FTO: variants seen among roughly 807,000 people sequenced by gnomAD.
FTO encodes alpha-ketoglutarate-dependent dioxygenase FTO.
FTO carries 47 observed loss-of-function variants against 63.9 expected under a neutral mutation model. That is an observed-to-expected ratio of 0.74 (90% confidence interval 0.58 to 0.94). The LOEUF (loss-of-function observed/expected upper bound fraction) is 0.94, where lower values mean the gene tolerates loss of function less well. Ranked by LOEUF, FTO falls within the 40% of genes least tolerant of loss-of-function variation. The pLI, the probability that FTO is intolerant of heterozygous loss-of-function variation, is 0.00. For missense variants in FTO, 562 were observed against 618.1 expected, an observed-to-expected ratio of 0.91 and a Z score of 0.96; for synonymous variants, 207 against 224.4, an observed-to-expected ratio of 0.92 and a Z score of 0.69.
At chr16:53,964,271 T>C (rs2083149000) in intron 8 of FTO, among the ~76,000 whole-genome samples, 1 of 152,172 alleles carries the variant, frequency 6.6e-6, no homozygotes, top group African/African-American at 2.4e-5. Flanking sequence ...GTTGTTGTAG[T>C]TCAAAAACAG....
chr16:54,012,831 GAA>G (rs374710361), intron 8 of FTO, among the ~76,000 whole-genome samples: 2 of 139,922 alleles, frequency 1.4e-5, no homozygotes, highest in Admixed American at 7.2e-5. Context: ...CTCCTTCTCA[GAA>G]AAAAAAAAAA....
intron 8 of FTO, among the ~76,000 whole-genome samples, chr16:54,054,253 C>T (rs757276397): frequency 2.0e-5 from 3 of 152,120 alleles, no homozygotes; most frequent in East Asian, 1.9e-4. Context: ...GAAATTAACT[C>T]CATTACACTA....
At chr16:53,886,945 C>T (rs1435728660) in intron 6 of FTO, 3 of 152,300 alleles carry the variant, frequency 2.0e-5, no homozygotes, top group South Asian at 2.1e-4. Context: ...GTTTCTTTAG[C>T]GGGCAGTGGT....
Position 53,855,038 on chromosome 16 carries a change from A to AT in FTO, c.895+10748dup, listed in dbSNP as rs61689283. 1.5e-3 allele frequency among the ~76,000 whole-genome samples: 221 copies of AT among 150,422 alleles called. 1 individual carries two copies. The highest frequency in any genetic ancestry group is 5.0e-3 in the African/African-American group (204 of 40,984). ...TATTTCTAGGTACTTTATTATTATT[A>AT]TTTTTTTTAGCTATTATCAAAGGGA... On this transcript the variant is annotated intron_variant, in intron 4 of 8. Transcript: ENST00000471389.
chr16:53,959,862 C>T (rs1369858002), intron 8 of FTO, among the ~76,000 whole-genome samples: 3 of 152,026 alleles, frequency 2.0e-5, no homozygotes, highest in South Asian at 4.1e-4. Flanking sequence ...CCAAAAAAGG[C>T]TTCCCAAATG....
At chr16:53,711,547 CT>C in intron 1 of FTO, 1 of 397,950 alleles carries the variant, frequency 2.5e-6, no homozygotes, top group Non-Finnish European at 4.4e-6. Context: ...CATGGAATTC[CT>C]TCCTTAGAAG....
At chr16:53,755,687 G>C (rs2076907110) in intron 1 of FTO, among the ~76,000 whole-genome samples, 1 of 152,134 alleles carries the variant, frequency 6.6e-6, no homozygotes, top group Admixed American at 6.5e-5. Flanking sequence ...CATTTCCCCA[G>C]CCTCCCCTGC....
intron 8 of FTO, among the ~76,000 whole-genome samples, chr16:54,090,893 T>C (rs1005012320): frequency 3.3e-5 from 5 of 152,316 alleles, no homozygotes; most frequent in African/African-American, 1.2e-4. Flanking sequence ...CTCTTTCTCC[T>C]TGTAGTCTCA....
intron 8 of FTO, among the ~76,000 whole-genome samples, chr16:54,042,041 A>G (rs2085089543): frequency 6.6e-6 from 1 of 152,190 alleles, no homozygotes; most frequent in African/African-American, 2.4e-5. Context: ...TGGGAAAGAG[A>G]AAGGAATATG....
chr16:53,958,969 C>T (rs1483452729), intron 8 of FTO, among the ~76,000 whole-genome samples: 3 of 152,170 alleles, frequency 2.0e-5, no homozygotes, highest in African/African-American at 7.2e-5. Context: ...CCTCATTGAA[C>T]CCCTACAAAA....
intron 8 of FTO, chr16:53,998,847 T>G (rs1234155334): frequency 1.3e-5 from 2 of 152,222 alleles, no homozygotes; most frequent in African/African-American, 2.4e-5. Flanking sequence ...TGTCCATCCT[T>G]GAACCAATTC....
Position 53,895,330 on chromosome 16 carries a change from A to G in FTO, c.1239+6379A>G, listed in dbSNP as rs557710913. Among the ~76,000 whole-genome samples the G allele has an allele frequency of 2.0e-4, 31 of 152,278 alleles. No individual in the cohort carries two copies. The East Asian group carries it at 6.0e-3, about 29-fold the overall frequency. ...GTATCCTGTCTTTTTGGGAAAAAAG[A>G]ATATACAATTCCAAGAGAATTCAGG... is the stretch of plus-strand genomic sequence containing the variant. On this transcript the variant is annotated intron_variant, in intron 7 of 8. Coordinates refer to ENST00000471389, the MANE Select transcript of FTO (RefSeq NM_001080432.3).
chr16:53,893,295 A>G (rs907728569), intron 7 of FTO, among the ~76,000 whole-genome samples: 1 of 151,988 alleles, frequency 6.6e-6, no homozygotes, highest in Non-Finnish European at 1.5e-5. Flanking sequence ...TTTTATTTTA[A>G]TTTTTTTAAA....
intron 8 of FTO, among the ~76,000 whole-genome samples, chr16:54,063,285 C>T (rs1460786922): frequency 1.3e-5 from 2 of 152,114 alleles, no homozygotes; most frequent in Non-Finnish European, 2.9e-5. Context: ...AGGCAAGGGA[C>T]AAGCGGAAGC....
At chr16:54,086,855 C>T (rs763893597) in intron 8 of FTO, among the ~76,000 whole-genome samples, 2 of 152,194 alleles carry the variant, frequency 1.3e-5, no homozygotes, top group Non-Finnish European at 2.9e-5. Flanking sequence ...GGGGAGGGGT[C>T]GTGAACTGAA....
chr16:53,713,614 G>A (rs1035914321), intron 1 of FTO, among the ~76,000 whole-genome samples: 1 of 152,194 alleles, frequency 6.6e-6, no homozygotes. Flanking sequence ...TGTGTTGGTA[G>A]GGGCTTGTTT....
chr16:53,733,172 G>A (rs1463147179), intron 1 of FTO, among the ~76,000 whole-genome samples: 1 of 152,208 alleles, frequency 6.6e-6, no homozygotes, highest in Non-Finnish European at 1.5e-5. Context: ...GGCCGAGGCG[G>A]GAGGATCACC....
At chr16:53,891,941 T>G (rs773796471) in intron 7 of FTO, among the ~76,000 whole-genome samples, 5 of 152,218 alleles carry the variant, frequency 3.3e-5, no homozygotes, top group Non-Finnish European at 5.9e-5. Flanking sequence ...ATCAGTGGCC[T>G]CAGTGTCTCT....
intron 8 of FTO, chr16:53,937,547 G>C (rs1185299666): frequency 6.1e-6 from 2 of 329,698 alleles, no homozygotes; most frequent in African/African-American, 4.2e-5. Flanking sequence ...GCTACTTTAG[G>C]GTCACTCTCT....
Sources: allele counts gnomAD v4.1 joint callset (sites outside exome capture counted in the v4.1 genomes callset), GRCh38; gene constraint gnomAD v4.1.1; transcripts MANE v1.5; gene names NCBI Gene and HGNC (gene_info 2026-07-23, HGNC 2026-07-21).